Variants in EYS observed in about 807,000 individuals in gnomAD.
The protein encoded by EYS is protein eyes shut homolog.
Under a neutral mutation model 282.1 loss-of-function variants are expected in EYS, and 250 were observed. That is an observed-to-expected ratio of 0.89 (90% confidence interval 0.80 to 0.98). EYS has a LOEUF of 0.98. EYS is among the 50% of genes least tolerant of loss of function. The pLI is 0.00. For synonymous variants in EYS, 1,355 were observed against 1,282.9 expected (o/e 1.06, Z -1.20); for missense variants, 4,016 against 3,709.0 (o/e 1.08, Z -2.15).
chr6:63,862,648 A>T (rs1772563474), intron 36 of EYS, among the ~76,000 whole-genome samples: 1 of 152,220 alleles, frequency 6.6e-6, no homozygotes, highest in South Asian at 2.1e-4. Context: ...CCGATGATTC[A>T]TCTCTTAGTA....
At chr6:64,145,390 G>A (rs75889101) in intron 31 of EYS, among the ~76,000 whole-genome samples, 4,605 of 152,252 alleles carry the variant, frequency 0.03, 226 homozygotes, top group African/African-American at 0.1. Context: ...GCATTACTAA[G>A]CAGTGGATCT....
At chr6:64,771,522 C>T (rs62415482) in intron 22 of EYS, among the ~76,000 whole-genome samples, 17,493 of 151,600 alleles carry the variant, frequency 0.12, 1,096 homozygotes, top group East Asian at 0.21. Context: ...AAGTTTACTG[C>T]ATACATTTCA....
intron 19 of EYS, among the ~76,000 whole-genome samples, chr6:64,829,069 A>G (rs945386662): frequency 1.2e-4 from 18 of 147,544 alleles, no homozygotes; most frequent in Admixed American, 7.5e-4. Flanking sequence ...AGGTAGTGGC[A>G]AATGACATGG....
intron 2 of EYS, among the ~76,000 whole-genome samples, chr6:65,598,954 G>A (rs1765514615): frequency 6.6e-6 from 1 of 152,152 alleles, no homozygotes; most frequent in African/African-American, 2.4e-5. Context: ...TAGAACAGGT[G>A]TGTGGTGTAT....
chr6:64,284,306 A>G (rs562641452), intron 30 of EYS, among the ~76,000 whole-genome samples: 1 of 152,356 alleles, frequency 6.6e-6, no homozygotes, highest in African/African-American at 2.4e-5. Flanking sequence ...TCCAAAGTCC[A>G]GCAGGACAGT....
intron 2 of EYS, among the ~76,000 whole-genome samples, chr6:65,589,877 T>C (rs193207807): frequency 1.7e-3 from 264 of 152,080 alleles, no homozygotes; most frequent in Middle Eastern, 6.8e-3. Context: ...TTAATGTTTA[T>C]TAATGTGTTA....
chr6:65,580,552 T>C (rs11963766), intron 2 of EYS, among the ~76,000 whole-genome samples: 1,640 of 152,216 alleles, frequency 0.011, 23 homozygotes, highest in African/African-American at 0.025. Flanking sequence ...TAATCAGTCA[T>C]AGATAAAATA....
intron 13 of EYS, among the ~76,000 whole-genome samples, chr6:65,019,227 G>C (rs893201598): frequency 6.6e-6 from 1 of 152,086 alleles, no homozygotes; most frequent in Non-Finnish European, 1.5e-5. Flanking sequence ...TAGAAGCACA[G>C]ACTAAACATT....
intron 12 of EYS, among the ~76,000 whole-genome samples, chr6:65,289,014 CAT>C (rs1233378425): frequency 6.6e-6 from 1 of 150,652 alleles, no homozygotes; most frequent in Non-Finnish European, 1.5e-5. Flanking sequence ...AAAAATATAA[CAT>C]AGAATGGATG....
chr6:64,655,551 T>A (rs1381075512), intron 22 of EYS, among the ~76,000 whole-genome samples: 3 of 151,966 alleles, frequency 2.0e-5, no homozygotes, highest in Non-Finnish European at 4.4e-5. Flanking sequence ...AACAGACATA[T>A]CAATAAAGAT....
intron 35 of EYS, among the ~76,000 whole-genome samples, chr6:63,972,698 A>G (rs575790612): frequency 2.6e-5 from 4 of 151,420 alleles, no homozygotes; most frequent in Non-Finnish European, 5.9e-5. Context: ...TTAGCCCCCA[A>G]CCCCCTGACA....
At chr6:64,336,239 ACT>A (rs1203210206) in intron 29 of EYS, among the ~76,000 whole-genome samples, 2 of 152,072 alleles carry the variant, frequency 1.3e-5, no homozygotes, top group Non-Finnish European at 2.9e-5. Flanking sequence ...CCTTCAGGAG[ACT>A]CACCTAACAC....
intron 35 of EYS, among the ~76,000 whole-genome samples, chr6:63,953,834 G>A (rs934046696): frequency 6.6e-6 from 1 of 152,132 alleles, no homozygotes; most frequent in African/African-American, 2.4e-5. Context: ...CTGGGACCAT[G>A]CCCTGTAGCC....
chr6:64,399,301 C>T (rs1773475040), intron 28 of EYS, among the ~76,000 whole-genome samples: 1 of 151,578 alleles, frequency 6.6e-6, no homozygotes, highest in Admixed American at 6.6e-5. Flanking sequence ...CAAATTTACC[C>T]AACATCCACA....
chr6:65,177,050 A>C (rs1765243019), intron 12 of EYS, among the ~76,000 whole-genome samples: 1 of 151,776 alleles, frequency 6.6e-6, no homozygotes, highest in Non-Finnish European at 1.5e-5. Flanking sequence ...AAAGTGTCTT[A>C]ATGCCTGTAT....
chr6:65,001,599 T>C (rs1193452826), intron 13 of EYS, among the ~76,000 whole-genome samples: 2 of 147,972 alleles, frequency 1.4e-5, no homozygotes, highest in East Asian at 4.2e-4. Context: ...CCTGTTCTCA[T>C]TTATGGCTAC....
intron 13 of EYS, among the ~76,000 whole-genome samples, chr6:65,001,373 A>G (rs1771462669): frequency 6.8e-6 from 1 of 147,142 alleles, no homozygotes. Flanking sequence ...TGGGCCGCAC[A>G]GTGGCCAAAC....
At chr6:65,165,340 C>T (rs1764948119) in intron 12 of EYS, among the ~76,000 whole-genome samples, 1 of 149,280 alleles carries the variant, frequency 6.7e-6, no homozygotes, top group Admixed American at 6.7e-5. Context: ...CTCAAATTAT[C>T]TCCTGTTTGC....
intron 11 of EYS, among the ~76,000 whole-genome samples, chr6:65,333,480 T>G (rs1769869469): frequency 6.6e-6 from 1 of 151,680 alleles, no homozygotes; most frequent in African/African-American, 2.4e-5. Flanking sequence ...TTGGAGAGTG[T>G]GCCATGTACA....
Sources: gnomAD v4.1 joint callset for allele counts (sites outside exome capture counted in the v4.1 genomes callset) on GRCh38, gnomAD v4.1.1 for gene constraint, MANE v1.5 for transcripts, NCBI Gene and HGNC (gene_info 2026-07-23, HGNC 2026-07-21) for gene names.